UST: variants seen among roughly 807,000 people sequenced by gnomAD.
UST encodes the protein chondroitin sulfate 2-O-sulfotransferase.
In UST, 21 loss-of-function variants were observed where a neutral mutation model predicts 45.6. That is an observed-to-expected ratio of 0.46 (90% CI 0.33 to 0.66). The LOEUF (loss-of-function observed/expected upper bound fraction) is 0.66. UST is among the 30% of genes least tolerant of loss of function. UST has a pLI of 0.02. For missense variants in UST, 463 were observed against 512.4 expected, an observed-to-expected ratio of 0.90 and a Z score of 0.93; for synonymous variants, 215 against 200.6, an observed-to-expected ratio of 1.07 and a Z score of -0.61.
chr6:148,972,878 TG>T (rs1325671907), intron 5 of UST, among the ~76,000 whole-genome samples: 7 of 131,460 alleles, frequency 5.3e-5, no homozygotes, highest in African/African-American at 1.8e-4. Context: ...GCCTGGGCTT[TG>T]GGATTTTTTT....
chr6:148,869,968 A>G (rs1778517142), intron 1 of UST, among the ~76,000 whole-genome samples: 1 of 152,166 alleles, frequency 6.6e-6, no homozygotes, highest in Non-Finnish European at 1.5e-5. Context: ...ATTGACACCA[A>G]CCTTCATGCA....
Position 149,065,788 on chromosome 6 carries a change from T to C in UST, c.938-8045T>C, listed in dbSNP as rs924293128. On this transcript the variant is annotated intron_variant, in intron 7 of 7. Coordinates refer to ENST00000367463, the MANE Select transcript of UST (RefSeq NM_005715.3). The stretch of plus-strand genomic sequence containing the variant: ...GTTGAATCTGAGTCTCTGTTTCTCC[T>C]GGCACAAAATAGCACTCCTGTTTCT... Among the ~76,000 whole-genome samples, 3 of 152,246 alleles carry C rather than the reference T, an allele frequency of 2.0e-5. 1 individual carries two copies. The highest frequency in any genetic ancestry group is 2.0e-4 in the Admixed American group (3 of 15,280).
chr6:149,068,488 AT>A (rs769952998), intron 7 of UST, among the ~76,000 whole-genome samples: 11 of 152,236 alleles, frequency 7.2e-5, no homozygotes, highest in Non-Finnish European at 1.3e-4. Flanking sequence ...TACTATAAAA[AT>A]ATACCACAAA....
At chr6:148,778,667 T>C (rs1251075526) in intron 1 of UST, among the ~76,000 whole-genome samples, 1 of 152,170 alleles carries the variant, frequency 6.6e-6, no homozygotes, top group Non-Finnish European at 1.5e-5. Context: ...GGAACATGGT[T>C]GGAGGCTCAC....
intron 1 of UST, among the ~76,000 whole-genome samples, chr6:148,819,726 G>A (rs867002773): frequency 1.3e-5 from 2 of 152,130 alleles, no homozygotes; most frequent in Non-Finnish European, 2.9e-5. Context: ...CACATAATGA[G>A]TATGACCATC....
intron 1 of UST, among the ~76,000 whole-genome samples, chr6:148,827,310 G>A (rs1777589865): frequency 6.6e-6 from 1 of 152,102 alleles, no homozygotes; most frequent in African/African-American, 2.4e-5. Context: ...AGAGGAGTCT[G>A]TAGCCTTTCA....
chr6:148,901,134 G>A (rs1177561024), intron 2 of UST, among the ~76,000 whole-genome samples: 1 of 152,154 alleles, frequency 6.6e-6, no homozygotes, highest in South Asian at 2.1e-4. Flanking sequence ...TGAGGACATG[G>A]GCATCTTTGG....
intron 1 of UST, among the ~76,000 whole-genome samples, chr6:148,813,590 C>T (rs1777300332): frequency 6.6e-6 from 1 of 152,134 alleles, no homozygotes; most frequent in African/African-American, 2.4e-5. Flanking sequence ...CCATGTTGGC[C>T]AAGCTGGTCT....
At chr6:149,029,808 A>AT (rs557630102) in intron 7 of UST, among the ~76,000 whole-genome samples, 1 of 150,060 alleles carries the variant, frequency 6.7e-6, no homozygotes, top group African/African-American at 2.5e-5. Flanking sequence ...CTCTATAAAG[A>AT]TTTTTTTTTC....
intron 1 of UST, among the ~76,000 whole-genome samples, chr6:148,759,388 G>A (rs1776159851): frequency 1.3e-5 from 2 of 151,442 alleles, no homozygotes; most frequent in South Asian, 2.1e-4. Context: ...TTAGCCGGGC[G>A]TGGTCGCGGG....
chr6:148,779,551 C>T (rs890665733), intron 1 of UST, among the ~76,000 whole-genome samples: 4 of 152,156 alleles, frequency 2.6e-5, no homozygotes, highest in Admixed American at 1.3e-4. Context: ...GCTCCCACCA[C>T]GCCAGGGAAA....
intron 6 of UST, among the ~76,000 whole-genome samples, chr6:149,020,103 A>G (rs1775957091): frequency 6.6e-6 from 1 of 152,216 alleles, no homozygotes; most frequent in Admixed American, 6.5e-5. Context: ...GCCAAAGGAG[A>G]ACTGCTACTT....
At chr6:148,769,954 T>G (rs1776391312) in intron 1 of UST, among the ~76,000 whole-genome samples, 1 of 152,176 alleles carries the variant, frequency 6.6e-6, no homozygotes, top group African/African-American at 2.4e-5. Flanking sequence ...CATTTCCTGT[T>G]CTTTCAAAGG....
intron 7 of UST, among the ~76,000 whole-genome samples, chr6:149,021,821 G>A (rs986059460): frequency 5.9e-5 from 9 of 152,218 alleles, no homozygotes; most frequent in Non-Finnish European, 1.5e-5. Flanking sequence ...TCTTGAGCAT[G>A]TTGTTGGGGT....
intron 4 of UST, among the ~76,000 whole-genome samples, chr6:148,955,148 C>T (rs995933731): frequency 1.3e-5 from 2 of 152,312 alleles, no homozygotes; most frequent in Non-Finnish European, 2.9e-5. Flanking sequence ...CAGGTCCACA[C>T]GAGAGCACCA....
intron 2 of UST, among the ~76,000 whole-genome samples, chr6:148,931,533 A>T (rs182351935): frequency 6.6e-6 from 1 of 152,364 alleles, no homozygotes; most frequent in East Asian, 1.9e-4. Context: ...ATTGATTAAT[A>T]CTAAAAATGG....
chr6:148,848,952 G>T (rs573285668), intron 1 of UST, among the ~76,000 whole-genome samples: 118 of 152,210 alleles, frequency 7.8e-4, no homozygotes, highest in Admixed American at 3.5e-3. Flanking sequence ...AGAGCCCTAG[G>T]GCCCACTGGT....
intron 1 of UST, among the ~76,000 whole-genome samples, chr6:148,843,802 TC>T (rs1452235050): frequency 6.6e-6 from 1 of 152,224 alleles, no homozygotes; most frequent in Non-Finnish European, 1.5e-5. Flanking sequence ...TAACCACACT[TC>T]CAGTATAATC....
chr6:148,950,687 C>T (rs1380893217), intron 3 of UST, among the ~76,000 whole-genome samples: 4 of 152,228 alleles, frequency 2.6e-5, no homozygotes, highest in Non-Finnish European at 5.9e-5. Context: ...TCCTGGCTAA[C>T]TCCTCTAGGC....
Sources: allele counts gnomAD v4.1 joint callset (sites outside exome capture counted in the v4.1 genomes callset), GRCh38; gene constraint gnomAD v4.1.1; transcripts MANE v1.5; gene names NCBI Gene and HGNC (gene_info 2026-07-23, HGNC 2026-07-21).